SH2D4B: variants seen among roughly 807,000 people sequenced by gnomAD.
SH2D4B encodes the protein SH2 domain-containing protein 4B.
In SH2D4B, 45 loss-of-function variants were observed where a neutral mutation model predicts 61.5. The ratio of observed to expected loss-of-function variants is 0.73; its 90% CI spans 0.58 to 0.94. The LOEUF is 0.94. Among genes scored for constraint, SH2D4B ranks in the 40% least tolerant of loss-of-function variants. The probability of loss-of-function intolerance (pLI) is 0.00; values close to 1 mark genes in which losing one functional copy is unlikely to be tolerated. For missense variants in SH2D4B, 572 were observed against 574.2 expected (o/e 1.00, Z 0.04); for synonymous variants, 224 against 220.4 (o/e 1.02, Z -0.14).
At position 80,618,382 on chromosome 10, in the gene SH2D4B, G is replaced by C. The variant is rs761923178; in HGVS notation, c.988+8831G>C. Reference sequence around the variant, plus strand: ...GTCAGCTTGGAGCAGACATTCATAGGCATGGATATTGCCTCTTGTGCATAA... The same window carrying C: ...GTCAGCTTGGAGCAGACATTCATAGCCATGGATATTGCCTCTTGTGCATAA... On this transcript the variant is annotated intron_variant, in intron 6 of 7. Transcript: ENST00000646907. Among the ~76,000 whole-genome samples the C allele has an allele frequency of 5.9e-4, 90 of 152,260 alleles. 1 individual carries two copies. Among genetic ancestry groups the C allele is most frequent in the Admixed American group, 5.2e-4 (8 of 15,304 alleles).
chr10:80,570,668 C>T (rs7895413), intron 2 of SH2D4B, among the ~76,000 whole-genome samples: 20,299 of 152,162 alleles, frequency 0.13, 1,416 homozygotes, highest in African/African-American at 0.16. Flanking sequence ...TTTATTCACA[C>T]CTTGACAAAT....
chr10:80,589,466 G>A (rs1191922756), intron 4 of SH2D4B, among the ~76,000 whole-genome samples: 1 of 152,176 alleles, frequency 6.6e-6, no homozygotes, highest in Non-Finnish European at 1.5e-5. Flanking sequence ...TTGAACCCAG[G>A]AGGTCGAGGC....
intron 7 of SH2D4B, among the ~76,000 whole-genome samples, chr10:80,638,883 T>A (rs1840238325): frequency 6.6e-6 from 1 of 152,216 alleles, no homozygotes; most frequent in African/African-American, 2.4e-5. Flanking sequence ...GATGTTAGGG[T>A]GTTGATTTAG....
intron 6 of SH2D4B, among the ~76,000 whole-genome samples, chr10:80,615,936 A>G (rs1250284568): frequency 6.6e-6 from 1 of 152,208 alleles, no homozygotes; most frequent in East Asian, 1.9e-4. Flanking sequence ...CATGCAATAA[A>G]TGCTTTGGTT....
At chr10:80,621,845 G>A (rs1331601645) in intron 6 of SH2D4B, among the ~76,000 whole-genome samples, 1 of 152,082 alleles carries the variant, frequency 6.6e-6, no homozygotes, top group Admixed American at 6.5e-5. Context: ...GGGTCTCTTT[G>A]CTATATAGCT....
At chr10:80,631,239 G>A (rs1172189960) in intron 6 of SH2D4B, among the ~76,000 whole-genome samples, 1 of 152,196 alleles carries the variant, frequency 6.6e-6, no homozygotes. Flanking sequence ...ATCAATGGAA[G>A]TGTTTGTTTA....
intron 7 of SH2D4B, among the ~76,000 whole-genome samples, chr10:80,635,879 A>G (rs1840156492): frequency 6.6e-6 from 1 of 152,150 alleles, no homozygotes; most frequent in South Asian, 2.1e-4. Flanking sequence ...TACATGTGCC[A>G]TGTTAGTTTG....
In SH2D4B at chr10:80,603,578, G is replaced by C. The variant is rs1842477449; in HGVS notation, c.644-1G>C. On this transcript the variant is annotated splice_acceptor_variant, in intron 4 of 7. Coordinates refer to ENST00000646907, the MANE Select transcript of SH2D4B (RefSeq NM_001388272.1). LOFTEE classifies it high-confidence loss of function. Reference sequence around the variant, plus strand: ...CTAACGTGCTGTCTTCCTCTTTCCAGTGCGCCGGTCCAAGGCGGCTGATGA... The same window carrying C: ...CTAACGTGCTGTCTTCCTCTTTCCACTGCGCCGGTCCAAGGCGGCTGATGA... 1 of 1,543,736 alleles carries C rather than the reference G, an allele frequency of 6.5e-7. No individual in the cohort carries two copies. Among genetic ancestry groups the C allele is most frequent in the East Asian group, 2.4e-5 (1 of 41,176 alleles).
chr10:80,634,238 G>T (rs1842867417), intron 6 of SH2D4B, 47 bp from the exon 7 acceptor site: 8 of 1,476,048 alleles, frequency 5.4e-6, no homozygotes, highest in Non-Finnish European at 7.2e-6. Flanking sequence ...GGGGGAGGCA[G>T]TCGCAGAACC....
intron 1 of SH2D4B, among the ~76,000 whole-genome samples, chr10:80,546,290 C>T (rs1841679735): frequency 6.6e-6 from 1 of 152,034 alleles, no homozygotes; most frequent in South Asian, 2.1e-4. Flanking sequence ...TCAAGCAATC[C>T]ACCAGCCTTG....
intron 4 of SH2D4B, among the ~76,000 whole-genome samples, chr10:80,596,718 C>G (rs1433435100): frequency 6.6e-6 from 1 of 152,188 alleles, no homozygotes; most frequent in Non-Finnish European, 1.5e-5. Context: ...CAGTCTATAA[C>G]AAGTTTGTTT....
chr10:80,543,309 G>C (rs976849287), intron 1 of SH2D4B, among the ~76,000 whole-genome samples: 5 of 152,242 alleles, frequency 3.3e-5, no homozygotes, highest in African/African-American at 1.2e-4. Flanking sequence ...CGAGTTCCGG[G>C]GGGCGTGGGC....
chr10:80,591,312 T>C (rs12247537), intron 4 of SH2D4B, among the ~76,000 whole-genome samples: 23,853 of 151,914 alleles, frequency 0.16, 2,747 homozygotes, highest in African/African-American at 0.32. Context: ...TCTTCTATTT[T>C]TATAACTGAA....
chr10:80,641,420 A>G (rs1483688032), intron 7 of SH2D4B, among the ~76,000 whole-genome samples: 1 of 152,244 alleles, frequency 6.6e-6, no homozygotes, highest in Non-Finnish European at 1.5e-5. Context: ...CAGAGGCAGC[A>G]GGCCTTGCTG....
chr10:80,639,798 A>G (rs1272436689), intron 7 of SH2D4B, among the ~76,000 whole-genome samples: 1 of 152,118 alleles, frequency 6.6e-6, no homozygotes, highest in Non-Finnish European at 1.5e-5. Flanking sequence ...TAATATTGTT[A>G]TGTGTGAATT....
chr10:80,577,718 G>T (rs140748532), intron 3 of SH2D4B, among the ~76,000 whole-genome samples: 2 of 150,948 alleles, frequency 1.3e-5, no homozygotes, highest in African/African-American at 4.9e-5. Context: ...GAGCCACAGC[G>T]CCCGGCCTTT....
intron 3 of SH2D4B, among the ~76,000 whole-genome samples, chr10:80,573,972 GAT>G (rs1050915426): frequency 5.3e-5 from 8 of 152,124 alleles, no homozygotes; most frequent in Non-Finnish European, 5.9e-5. Context: ...TCAGAAATGT[GAT>G]ATGTTATTCA....
At chr10:80,595,285 T>C (rs1274487277) in intron 4 of SH2D4B, among the ~76,000 whole-genome samples, 1 of 152,168 alleles carries the variant, frequency 6.6e-6, no homozygotes, top group Non-Finnish European at 1.5e-5. Context: ...CTCAACCAGG[T>C]CTTCTGTTTC....
intron 3 of SH2D4B, among the ~76,000 whole-genome samples, chr10:80,585,898 G>C (rs1056687761): frequency 6.6e-6 from 1 of 151,960 alleles, no homozygotes; most frequent in African/African-American, 2.4e-5. Context: ...AGCAGGAACC[G>C]GGGCTGCACG....
Sources: allele counts gnomAD v4.1 joint callset (sites outside exome capture counted in the v4.1 genomes callset), GRCh38; gene constraint gnomAD v4.1.1; transcripts MANE v1.5; gene names NCBI Gene and HGNC (gene_info 2026-07-23, HGNC 2026-07-21).